KLHL20: variants seen among roughly 807,000 people sequenced by gnomAD.
KLHL20 encodes the protein kelch like family member 20, also known as kelch-like protein 20.
Under a neutral mutation model 69.5 loss-of-function variants are expected in KLHL20, and 29 were observed. That is an observed-to-expected ratio of 0.42 (90% confidence interval 0.31 to 0.57). The LOEUF (loss-of-function observed/expected upper bound fraction) is 0.57, where lower values mean the gene tolerates loss of function less well. KLHL20 is among the 20% of genes least tolerant of loss of function. The pLI, the probability that KLHL20 is intolerant of heterozygous loss-of-function variation, is 0.18. For missense variants in KLHL20, 419 were observed against 776.0 expected, an observed-to-expected ratio of 0.54 and a Z score of 5.47; for synonymous variants, 253 against 265.2, an observed-to-expected ratio of 0.95 and a Z score of 0.45.
intron 2 of KLHL20, among the ~76,000 whole-genome samples, chr1:173,726,494 C>T (rs956039163): frequency 2.0e-5 from 3 of 152,220 alleles, no homozygotes; most frequent in South Asian, 2.1e-4. Flanking sequence ...CTGGGAGGCA[C>T]CCCCCAGTAG....
intron 8 of KLHL20, among the ~76,000 whole-genome samples, chr1:173,766,712 G>T (rs1158295266): frequency 2.0e-5 from 3 of 151,376 alleles, no homozygotes; most frequent in African/African-American, 7.3e-5. Context: ...ACTATTCAGT[G>T]GATTTCCCAT....
intron 8 of KLHL20, among the ~76,000 whole-genome samples, chr1:173,773,339 TG>T (rs902840758): frequency 6.6e-6 from 1 of 151,488 alleles, no homozygotes; most frequent in African/African-American, 2.4e-5. Flanking sequence ...CCCAGCACTT[TG>T]GGGGGCCAAG....
intron 7 of KLHL20, among the ~76,000 whole-genome samples, chr1:173,763,296 A>G (rs1199391293): frequency 6.6e-6 from 1 of 152,220 alleles, no homozygotes; most frequent in Non-Finnish European, 1.5e-5. Context: ...AATATTGTGA[A>G]AATGACCATA....
chr1:173,763,546 C>A (rs1647455321), intron 7 of KLHL20, among the ~76,000 whole-genome samples: 1 of 152,070 alleles, frequency 6.6e-6, no homozygotes, highest in African/African-American at 2.4e-5. Context: ...GGCACATAGA[C>A]CAATGGAACA....
chr1:173,746,169 T>C (rs1673050260), intron 3 of KLHL20, among the ~76,000 whole-genome samples: 1 of 152,196 alleles, frequency 6.6e-6, no homozygotes, highest in Non-Finnish European at 1.5e-5. Flanking sequence ...CTTTTGATTA[T>C]GGTGGTGTTA....
At chr1:173,770,902 A>T (rs1169210003) in intron 8 of KLHL20, among the ~76,000 whole-genome samples, 1 of 152,196 alleles carries the variant, frequency 6.6e-6, no homozygotes, top group African/African-American at 2.4e-5. Flanking sequence ...ATATCCTTCG[A>T]ATATTGACCC....
At chr1:173,782,519 G>A (rs777296922) in intron 11 of KLHL20, among the ~76,000 whole-genome samples, 4 of 151,896 alleles carry the variant, frequency 2.6e-5, no homozygotes, top group African/African-American at 4.8e-5. Flanking sequence ...CAAAAGCACC[G>A]AGAAATAAAA....
At chr1:173,716,213 G>A in intron 2 of KLHL20, 147 bp downstream of exon 2, 1 of 704,914 alleles carries the variant, frequency 1.4e-6, no homozygotes, top group Non-Finnish European at 2.3e-6. Context: ...GTAATATTAA[G>A]AATTAATAGC....
At chr1:173,769,943 A>G (rs1647982789) in intron 8 of KLHL20, among the ~76,000 whole-genome samples, 1 of 150,520 alleles carries the variant, frequency 6.6e-6, no homozygotes, top group African/African-American at 2.4e-5. Context: ...GCAAGGCACT[A>G]TGTTTTTTAA....
intron 5 of KLHL20, among the ~76,000 whole-genome samples, chr1:173,755,059 C>CTT (rs372616022): frequency 0.012 from 1,560 of 133,506 alleles, 26 homozygotes; most frequent in South Asian, 0.032. Context: ...AAGTCTTTGT[C>CTT]TTTTTTTTTT....
At chr1:173,781,659 G>T (rs1648887233) in intron 10 of KLHL20, among the ~76,000 whole-genome samples, 1 of 152,158 alleles carries the variant, frequency 6.6e-6, no homozygotes, top group Non-Finnish European at 1.5e-5. Context: ...AGAGATAGGG[G>T]TCTCACTGTG....
chr1:173,768,586 T>C (rs1334620202), intron 8 of KLHL20, among the ~76,000 whole-genome samples: 4 of 152,202 alleles, frequency 2.6e-5, no homozygotes, highest in Non-Finnish European at 1.5e-5. Context: ...GGCATAGTTT[T>C]TTAATATCTC....
At chr1:173,774,283 A>G (rs1253590551) in intron 8 of KLHL20, 22 bp from the exon 9 acceptor site, 13 of 1,614,090 alleles carry the variant, frequency 8.1e-6, no homozygotes, top group South Asian at 1.1e-5. Context: ...ACAAGCATAC[A>G]GTCTGGTTTC....
rs983209026 is a variant in KLHL20, at chr1:173,753,158, G to A, written c.757-55G>A. ...ACTGTACTCCAGCCTAGGCAACAGAGTAAGACCTATCTCAAAATTAATTAA... is the reference window on the plus strand; with the variant it reads ...ACTGTACTCCAGCCTAGGCAACAGAATAAGACCTATCTCAAAATTAATTAA... On this transcript the variant is annotated intron_variant, in intron 4 of 11. Transcript: ENST00000209884. The A allele has an allele frequency of 8.5e-6, 12 of 1,412,172 alleles. 1 individual carries two copies. The highest frequency in any genetic ancestry group is 7.2e-5 in the South Asian group (6 of 83,680). 87.5% of individuals were successfully genotyped at this position (1,412,172 alleles called of 1,614,324 possible). A position where few individuals can be genotyped will look rare whatever the true frequency, so the allele number is the denominator to read the frequency against.
At chr1:173,719,120 A>C (rs1249468374) in intron 2 of KLHL20, among the ~76,000 whole-genome samples, 1 of 151,856 alleles carries the variant, frequency 6.6e-6, no homozygotes, top group Non-Finnish European at 1.5e-5. Flanking sequence ...AAAAAAGAAA[A>C]ATTATTTTGT....
chr1:173,772,455 T>C (rs1648155921), intron 8 of KLHL20, among the ~76,000 whole-genome samples: 1 of 152,228 alleles, frequency 6.6e-6, no homozygotes, highest in Non-Finnish European at 1.5e-5. Context: ...TAAGACTAAT[T>C]GGTTGCCTTT....
At chr1:173,754,519 G>T (rs1442028163) in intron 5 of KLHL20, among the ~76,000 whole-genome samples, 4 of 151,346 alleles carry the variant, frequency 2.6e-5, no homozygotes, top group South Asian at 2.1e-4. Flanking sequence ...GGGAGGTGGA[G>T]GTTGCGGTGA....
intron 7 of KLHL20, among the ~76,000 whole-genome samples, chr1:173,761,473 C>T (rs561210998): frequency 6.6e-6 from 1 of 152,064 alleles, no homozygotes; most frequent in African/African-American, 2.4e-5. Context: ...CCAAGATAGA[C>T]CATAAGATAG....
At chr1:173,756,420 A>G (rs1673548856) in intron 6 of KLHL20, among the ~76,000 whole-genome samples, 1 of 148,742 alleles carries the variant, frequency 6.7e-6, no homozygotes, top group Non-Finnish European at 1.5e-5. Flanking sequence ...AGTCCCAGCT[A>G]CTTGGGAGGC....
Sources: allele counts gnomAD v4.1 joint callset (sites outside exome capture counted in the v4.1 genomes callset), GRCh38; gene constraint gnomAD v4.1.1; transcripts MANE v1.5; gene names NCBI Gene and HGNC (gene_info 2026-07-23, HGNC 2026-07-21).